The following NDUFAB1 variants were observed in gnomAD, a reference collection of about 807,000 sequenced individuals.
The protein encoded by NDUFAB1 is NADH:ubiquinone oxidoreductase subunit AB1.
NDUFAB1 carries 5 observed loss-of-function variants against 16.1 expected under a neutral mutation model. The observed-to-expected ratio is 0.31, with a 90% CI of 0.16 to 0.65. NDUFAB1 has a LOEUF of 0.65. Ranked by LOEUF, NDUFAB1 falls within the 30% of genes least tolerant of loss-of-function variation. NDUFAB1 has a pLI of 0.77. For missense variants in NDUFAB1, 187 were observed against 205.3 expected, an observed-to-expected ratio of 0.91 and a Z score of 0.54; for synonymous variants, 85 against 78.4, an observed-to-expected ratio of 1.08 and a Z score of -0.44.
chr16:23,587,826 C>A (rs185657558), intron 1 of NDUFAB1, among the ~76,000 whole-genome samples: 2 of 152,244 alleles, frequency 1.3e-5, no homozygotes, highest in South Asian at 2.1e-4. Context: ...TCTCCCTGAT[C>A]TCAGCCAGGA....
intron 3 of NDUFAB1, among the ~76,000 whole-genome samples, chr16:23,583,018 T>C (rs1178689647): frequency 6.6e-6 from 1 of 152,288 alleles, no homozygotes; most frequent in Non-Finnish European, 1.5e-5. Flanking sequence ...AGGGTTTCGC[T>C]GTGTTGGCTG....
intron 1 of NDUFAB1, among the ~76,000 whole-genome samples, chr16:23,589,942 GAAAAAAAAAAA>G (rs57098255): frequency 1.4e-4 from 10 of 70,506 alleles, no homozygotes; most frequent in East Asian, 4.5e-4. Context: ...TCTCCAAAAA[GAAAAAAAAAAA>G]AAAAAAAAAA....
At chr16:23,595,551 C>T (rs1446689308) in intron 1 of NDUFAB1, 1 of 455,614 alleles carries the variant, frequency 2.2e-6, no homozygotes, top group East Asian at 7.0e-5. Flanking sequence ...ATAAGTGGAC[C>T]CGCGCAATTC....
At position 23,596,283 on chromosome 16, in the gene NDUFAB1, G is replaced by C. The variant is rs764039851; in HGVS notation, c.8C>G (p.Ser3Cys). The stretch of plus-strand genomic sequence containing the variant: ...GCTGACATAGGCTGAAAGGACACGA[G>C]ACGCCATGGCTACGCCAACCCAGGA... The part of the protein sequence containing the change: MA[S>C]RVLSAYVSRL... The change falls in exon 1 of 5, where the codon TCT becomes TGT. Residue 3 changes from serine (S) to cysteine (C), a missense_variant. Transcript: ENST00000007516. 3.8e-6 allele frequency: 6 copies of C among 1,565,038 alleles called. No individual in the cohort carries two copies. The highest frequency in any genetic ancestry group is 5.2e-6 in the Non-Finnish European group (6 of 1,157,508).
chr16:23,583,947 T>C (rs1216388916), intron 3 of NDUFAB1, among the ~76,000 whole-genome samples: 2 of 151,946 alleles, frequency 1.3e-5, no homozygotes. Flanking sequence ...GCTGTTGATC[T>C]ATGACCTTAC....
At chr16:23,590,351 C>T (rs547589024) in intron 1 of NDUFAB1, among the ~76,000 whole-genome samples, 13 of 152,298 alleles carry the variant, frequency 8.5e-5, no homozygotes, top group Admixed American at 2.0e-4. Context: ...CTGGCTCTCA[C>T]TAGTTGTTTG....
At chr16:23,582,437 C>T in intron 3 of NDUFAB1, 62 bp from the exon 4 acceptor site, 1 of 1,447,828 alleles carries the variant, frequency 6.9e-7, no homozygotes, top group Non-Finnish European at 9.0e-7. Context: ...TAGAACTGAA[C>T]ACACCTGACC....
intron 3 of NDUFAB1, among the ~76,000 whole-genome samples, chr16:23,583,423 G>A (rs1966200496): frequency 6.6e-6 from 1 of 151,500 alleles, no homozygotes; most frequent in African/African-American, 2.4e-5. Flanking sequence ...CCTCTTCCCG[G>A]CCACCATCCC....
At chr16:23,586,773 C>G (rs1025672233) in intron 2 of NDUFAB1, among the ~76,000 whole-genome samples, 2 of 152,180 alleles carry the variant, frequency 1.3e-5, no homozygotes, top group African/African-American at 4.8e-5. Context: ...CTCAGCCTCC[C>G]GAGTAGCTGG....
intron 2 of NDUFAB1, among the ~76,000 whole-genome samples, chr16:23,586,012 C>T (rs1966229502): frequency 1.3e-5 from 2 of 152,324 alleles, no homozygotes; most frequent in East Asian, 1.9e-4. Context: ...ACTGCAAACT[C>T]GGCCTCCCGG....
intron 2 of NDUFAB1, 65 bp downstream of exon 2, chr16:23,587,132 C>T (rs979113270): frequency 6.7e-7 from 1 of 1,500,246 alleles, no homozygotes. Context: ...TTTCCCTTTG[C>T]ATTTTCTAGC....
At chr16:23,594,319 T>C (rs1337972493) in intron 1 of NDUFAB1, among the ~76,000 whole-genome samples, 1 of 152,144 alleles carries the variant, frequency 6.6e-6, no homozygotes, top group Non-Finnish European at 1.5e-5. Context: ...CTTCTAAAAA[T>C]AGTCGCCTAG....
At chr16:23,581,199 G>T (rs572834714) in intron 4 of NDUFAB1, 26 bp from the exon 5 acceptor site, 2 of 152,564 alleles carry the variant, frequency 1.3e-5, no homozygotes, top group South Asian at 4.1e-4. Context: ...TAAGTTCAAT[G>T]TTATTTTTGA....
chr16:23,585,604 T>G (rs465216), intron 2 of NDUFAB1, among the ~76,000 whole-genome samples, 181 bp from the exon 3 acceptor site: 16,248 of 152,206 alleles, frequency 0.11, 1,049 homozygotes, highest in African/African-American at 0.18. Context: ...GTTGGTTTGC[T>G]GCACCCATCA....
chr16:23,587,904 T>C (rs1966247054), intron 1 of NDUFAB1, among the ~76,000 whole-genome samples: 1 of 152,258 alleles, frequency 6.6e-6, no homozygotes, highest in Non-Finnish European at 1.5e-5. Flanking sequence ...TCCAATCTGT[T>C]TCCCTTCCAG....
At chr16:23,584,453 A>G (rs1966216449) in intron 3 of NDUFAB1, among the ~76,000 whole-genome samples, 2 of 150,614 alleles carry the variant, frequency 1.3e-5, no homozygotes, top group Admixed American at 6.6e-5. Flanking sequence ...GTGCTGTAAC[A>G]CACGTCACCC....
At position 23,582,376 on chromosome 16, in the gene NDUFAB1, CTA is replaced by C; in HGVS notation, c.380-3_380-2del. 1 of 1,555,776 alleles carries C rather than the reference CTA, an allele frequency of 6.4e-7. No individual in the cohort carries two copies. The highest frequency in any genetic ancestry group is 1.2e-5 in the South Asian group (1 of 81,924). ...GCATCTATATCAGGAATTTCAAACC[CTA>C]AAAGAAAAATATACAACAATGTGAG... On this transcript the variant is annotated splice_acceptor_variant and splice_polypyrimidine_tract_variant and intron_variant, in intron 3 of 4. Transcript: ENST00000007516. LOFTEE classifies it high-confidence loss of function.
chr16:23,596,038 G>T, intron 1 of NDUFAB1, 85 bp downstream of exon 1: 8 of 1,483,666 alleles, frequency 5.4e-6, no homozygotes, highest in Non-Finnish European at 6.3e-6. Flanking sequence ...GCCTGCAGCT[G>T]GCGCGCCCCG....
In NDUFAB1 at chr16:23,581,139, A is replaced by G. The variant is rs1245788026; in HGVS notation, c.*43T>C. The G allele has an allele frequency of 6.5e-6, 1 of 152,706 alleles. No individual in the cohort carries two copies. The highest frequency in any genetic ancestry group is 1.5e-5 in the Non-Finnish European group (1 of 68,062). 9.5% of individuals were successfully genotyped at this position (152,706 alleles called of 1,614,324 possible). A position where few individuals can be genotyped will look rare whatever the true frequency, so the allele number is the denominator to read the frequency against. On this transcript the variant is annotated 3_prime_UTR_variant, in exon 5 of 5. Transcript: ENST00000007516. The stretch of plus-strand genomic sequence containing the variant: ...TCCTCACTGCCAGACATTCGTCACT[A>G]TCATCTGAGTCCTCTCTCAGCAAAG...
Sources: allele counts gnomAD v4.1 joint callset (sites outside exome capture counted in the v4.1 genomes callset), GRCh38; gene constraint gnomAD v4.1.1; transcripts MANE v1.5; gene names NCBI Gene and HGNC (gene_info 2026-07-23, HGNC 2026-07-21).